The following ACTN1 variants were observed in gnomAD, a reference collection of about 807,000 sequenced individuals.
The protein encoded by ACTN1 is actinin alpha 1.
ACTN1 carries 30 observed loss-of-function variants against 119.6 expected under a neutral mutation model. The observed-to-expected ratio is 0.25, with a 90% confidence interval of 0.19 to 0.34. The LOEUF (loss-of-function observed/expected upper bound fraction) is 0.34, where lower values mean the gene tolerates loss of function less well. ACTN1 is among the 10% of genes least tolerant of loss of function. The probability of loss-of-function intolerance (pLI) is 1.00; values close to 1 mark genes in which losing one functional copy is unlikely to be tolerated. For synonymous variants in ACTN1, 429 were observed against 472.6 expected (o/e 0.91, Z 1.20); for missense variants, 764 against 1,223.4 (o/e 0.62, Z 5.60).
At chr14:68,951,708 G>A (rs2268977) in intron 1 of ACTN1, among the ~76,000 whole-genome samples, 45,416 of 152,080 alleles carry the variant, frequency 0.3, 7,934 homozygotes, top group African/African-American at 0.49. Context: ...AAGACTGGAC[G>A]TGGTCTTGGA....
intron 1 of ACTN1, among the ~76,000 whole-genome samples, chr14:68,956,452 G>A (rs990189334): frequency 6.6e-6 from 1 of 152,132 alleles, no homozygotes; most frequent in Non-Finnish European, 1.5e-5. Context: ...AATTAAGTAG[G>A]GCGCTTGCTG....
intron 8 of ACTN1, among the ~76,000 whole-genome samples, chr14:68,902,239 AAAG>A (rs1793756894): frequency 6.6e-6 from 1 of 152,238 alleles, no homozygotes; most frequent in African/African-American, 2.4e-5. Flanking sequence ...TGGGTCCCAG[AAAG>A]TGAGCTGCTG....
chr14:68,909,257 T>C lies in ACTN1; in HGVS notation c.594+61A>G. 1 of 1,532,498 alleles carries C rather than the reference T, an allele frequency of 6.5e-7. No individual in the cohort carries two copies. The highest frequency in any genetic ancestry group is 9.0e-7 in the Non-Finnish European group (1 of 1,108,058). The allele number at this position is 1,532,498 out of a possible 1,614,324, so 94.9% of individuals were successfully genotyped here. A position where few individuals can be genotyped will look rare whatever the true frequency, so the allele number is the denominator to read the frequency against. On this transcript the variant is annotated intron_variant, in intron 6 of 21. Coordinates refer to ENST00000394419, the MANE Select transcript of ACTN1 (RefSeq NM_001130004.2). This position sits in a 1 kb window ranked among gnomAD's most constrained non-coding sequence, Gnocchi z 4.1. ...ACTGTCACAACAAGGGTCCTAGTCC[T>C]GCTCTTTTCCCACCCCACCTGCCAG...
In ACTN1 at chr14:68,929,929, C is replaced by T. The variant is rs537358307; in HGVS notation, c.106-4257G>A. Among the ~76,000 whole-genome samples the T allele has an allele frequency of 3.9e-5, 6 of 152,352 alleles. No individual in the cohort carries two copies. In the East Asian group the frequency reaches 5.8e-4, roughly 15 times the overall value. ...GGTTGCAAAGAGGGACCTGGCCAGG[C>T]GCCAACAGAGGGGCCCCAGCCCAGG... On this transcript the variant is annotated intron_variant, in intron 1 of 21. Coordinates refer to ENST00000394419, the MANE Select transcript of ACTN1 (RefSeq NM_001130004.2).
rs376417190 is a variant in ACTN1, at chr14:68,877,246, G to A, written c.2428-6C>T. The A allele has an allele frequency of 6.2e-7, 1 of 1,613,936 alleles. No homozygotes were observed. Among genetic ancestry groups the A allele is most frequent in the African/African-American group, 1.3e-5 (1 of 74,926 alleles). ...CGGGCAAATTCTGCTTCTCCCTGGA[G>A]GGAACAGCCAAACCCAGGCCTGTCA... On this transcript the variant is annotated splice_region_variant and splice_polypyrimidine_tract_variant and intron_variant, in intron 20 of 21. Transcript: ENST00000394419.
chr14:68,880,662 G>A lies in ACTN1; in HGVS notation c.2133+148C>T. The A allele has an allele frequency of 2.6e-6, 2 of 755,936 alleles. No homozygotes were observed. The highest frequency in any genetic ancestry group is 4.3e-6 in the Non-Finnish European group (2 of 463,314). The allele number at this position is 755,936 out of a possible 1,614,324, so 46.8% of individuals were successfully genotyped here. A position where few individuals can be genotyped will look rare whatever the true frequency, so the allele number is the denominator to read the frequency against. ...CAACACATTCCTTGGGAAAGCAGAA[G>A]GTACTAAAAATTGAAGATGTGAGGC... On this transcript the variant is annotated intron_variant, in intron 17 of 21. Coordinates refer to ENST00000394419, the MANE Select transcript of ACTN1 (RefSeq NM_001130004.2). The surrounding 1 kb of genome is among the most constrained non-coding windows in gnomAD (Gnocchi z 4.6).
chr14:68,878,694 G>A lies in ACTN1; in HGVS notation c.2362-171C>T, dbSNP rs1351800477. 1 of 1,538,130 alleles carries A rather than the reference G, an allele frequency of 6.5e-7. No homozygotes were observed. The highest frequency in any genetic ancestry group is 8.7e-7 in the Non-Finnish European group (1 of 1,146,960). ...TAGGAGAAGATGCGAACACACATCGGTGGAAATGTCCAAAGACAGGAGGAA... is the reference window on the plus strand; with the variant it reads ...TAGGAGAAGATGCGAACACACATCGATGGAAATGTCCAAAGACAGGAGGAA... On this transcript the variant is annotated intron_variant, in intron 19 of 21. Transcript: ENST00000394419. This position sits in a 1 kb window ranked among gnomAD's most constrained non-coding sequence, Gnocchi z 4.4.
Position 68,880,924 on chromosome 14 carries a change from C to T in ACTN1, c.2019G>A (p.Gln673=), listed in dbSNP as rs139138798. Residue 673 remains glutamine, a synonymous_variant, in exon 17 of 22, where the codon CAG becomes CAA. Coordinates refer to ENST00000394419, the MANE Select transcript of ACTN1 (RefSeq NM_001130004.2). This position sits in a 1 kb window ranked among gnomAD's most constrained non-coding sequence, Gnocchi z 4.6. The part of the protein sequence containing the change: ...TLEDQLSHLR[Q]YEKSIVNYKP... The stretch of plus-strand genomic sequence containing the variant: ...TGTAGTTGACGATGCTCTTCTCATA[C>T]TGCCGCAGGTGGCTGAGCTGGTCCT... 788 of 1,614,098 alleles carry T rather than the reference C, an allele frequency of 4.9e-4. No homozygotes were observed. Among genetic ancestry groups the T allele is most frequent in the Admixed American group, 1.1e-3 (65 of 60,024 alleles).
intron 14 of ACTN1, 192 bp from the exon 15 acceptor site, chr14:68,883,247 C>T (rs1480138989): frequency 1.6e-6 from 1 of 623,130 alleles, no homozygotes; most frequent in Admixed American, 2.9e-5. Flanking sequence ...AAAGCAACAG[C>T]TTCATCCTTA....
At chr14:68,887,885 T>C in intron 11 of ACTN1, 1 of 844,182 alleles carries the variant, frequency 1.2e-6, no homozygotes, top group South Asian at 1.3e-5. Flanking sequence ...AGTTTCTTAG[T>C]TAGCCACTTC....
intron 2 of ACTN1, 172 bp from the exon 3 acceptor site, chr14:68,921,297 G>A: frequency 1.3e-6 from 1 of 745,416 alleles, no homozygotes; most frequent in Non-Finnish European, 2.0e-6. Context: ...TGTCACCCTG[G>A]CAGGGAATGA....
At position 68,878,098 on chromosome 14, in the gene ACTN1, G is replaced by A. The variant is rs1026655656; in HGVS notation, c.2427+360C>T. The A allele has an allele frequency of 4.7e-6, 1 of 210,702 alleles. No individual in the cohort carries two copies. Among genetic ancestry groups the A allele is most frequent in the Middle Eastern group, 1.8e-3 (1 of 548 alleles). 13.1% of individuals were successfully genotyped at this position (210,702 alleles called of 1,614,324 possible). On this transcript the variant is annotated intron_variant, in intron 20 of 21. Coordinates refer to ENST00000394419, the MANE Select transcript of ACTN1 (RefSeq NM_001130004.2). This position sits in a 1 kb window ranked among gnomAD's most constrained non-coding sequence, Gnocchi z 4.4. ...CCGCCAGGACAGAGGTGGAAGTCTC[G>A]GTTTCCATGCTCCATGTGAGGTGAC...
intron 21 of ACTN1, among the ~76,000 whole-genome samples, chr14:68,875,857 T>G (rs1374876670): frequency 6.6e-6 from 1 of 152,252 alleles, no homozygotes; most frequent in African/African-American, 2.4e-5. Flanking sequence ...AGCTCCAAAG[T>G]GCTATGATGC....
chr14:68,881,938 T>TA (rs2031559388), intron 16 of ACTN1, among the ~76,000 whole-genome samples: 3 of 84,940 alleles, frequency 3.5e-5, no homozygotes, highest in African/African-American at 2.8e-4. Context: ...GGCAGCTTCT[T>TA]TTTTTTTTTT....
intron 9 of ACTN1, among the ~76,000 whole-genome samples, chr14:68,892,709 A>C (rs1255834687): frequency 6.6e-6 from 1 of 152,078 alleles, no homozygotes; most frequent in Non-Finnish European, 1.5e-5. Context: ...ACTTCCTAAG[A>C]ATCTAGAATG....
intron 8 of ACTN1, among the ~76,000 whole-genome samples, chr14:68,901,590 G>A (rs1394025348): frequency 6.7e-6 from 1 of 149,848 alleles, no homozygotes; most frequent in Non-Finnish European, 1.5e-5. Context: ...CATGTGGAGG[G>A]CAGGAGATCT....
intron 1 of ACTN1, chr14:68,978,726 C>T (rs1046801820): frequency 8.3e-6 from 3 of 362,588 alleles, no homozygotes; most frequent in Admixed American, 1.0e-4. Context: ...GCGCCACCTC[C>T]CCGCGCTCCG....
chr14:68,947,296 G>C (rs754908341), intron 1 of ACTN1: 10 of 152,236 alleles, frequency 6.6e-5, no homozygotes, highest in Non-Finnish European at 8.8e-5. Context: ...GTGTGGAGAA[G>C]AATGGTTCGC....
chr14:68,948,262 CACA>C (rs1250546278), intron 1 of ACTN1, among the ~76,000 whole-genome samples: 1 of 152,234 alleles, frequency 6.6e-6, no homozygotes, highest in Non-Finnish European at 1.5e-5. Context: ...ATTTACTCTT[CACA>C]ACAAGCTTAT....
Sources: gnomAD v4.1 joint callset for allele counts (sites outside exome capture counted in the v4.1 genomes callset) on GRCh38, gnomAD v4.1.1 for gene constraint, Gnocchi (gnomAD v3.1) non-coding constraint, MANE v1.5 for transcripts, NCBI Gene and HGNC (gene_info 2026-07-23, HGNC 2026-07-21) for gene names.